The following SH3RF2 variants were observed in gnomAD, a reference collection of about 807,000 sequenced individuals.
The protein encoded by SH3RF2 is SH3 domain containing ring finger 2, also known as E3 ubiquitin-protein ligase SH3RF2.
In SH3RF2, 43 loss-of-function variants were observed where a neutral mutation model predicts 59.0. The ratio of observed to expected loss-of-function variants is 0.73; its 90% CI spans 0.57 to 0.94. The LOEUF (loss-of-function observed/expected upper bound fraction) is 0.94, where lower values mean the gene tolerates loss of function less well. SH3RF2 is among the 40% of genes least tolerant of loss of function. The pLI, the probability that SH3RF2 is intolerant of heterozygous loss-of-function variation, is 0.00. For synonymous variants in SH3RF2, 391 were observed against 391.5 expected, an observed-to-expected ratio of 1.00 and a Z score of 0.01; for missense variants, 930 against 940.1, an observed-to-expected ratio of 0.99 and a Z score of 0.14.
intron 2 of SH3RF2, chr5:145,997,771 G>C: frequency 3.2e-6 from 5 of 1,571,846 alleles, no homozygotes; most frequent in Non-Finnish European, 4.4e-6. Flanking sequence ...AGCAAAAAAA[G>C]AGTCACTCCC....
At chr5:146,033,540 G>A (rs776950617) in intron 5 of SH3RF2, among the ~76,000 whole-genome samples, 3 of 136,760 alleles carry the variant, frequency 2.2e-5, no homozygotes, top group Admixed American at 8.4e-5. Flanking sequence ...GCCCGATCTC[G>A]GCTCACTGCA....
At chr5:146,036,925 T>C (rs1761955871) in intron 5 of SH3RF2, among the ~76,000 whole-genome samples, 1 of 152,206 alleles carries the variant, frequency 6.6e-6, no homozygotes, top group Non-Finnish European at 1.5e-5. Flanking sequence ...CCTAAATACA[T>C]GTCCCCACAC....
intron 2 of SH3RF2, among the ~76,000 whole-genome samples, chr5:145,984,272 G>A (rs902134792): frequency 6.6e-6 from 1 of 152,176 alleles, no homozygotes; most frequent in Non-Finnish European, 1.5e-5. Context: ...TGTGCAGACA[G>A]ACAAGTAAAA....
chr5:145,952,100 T>G (rs1480084519), intron 2 of SH3RF2, among the ~76,000 whole-genome samples: 1 of 152,184 alleles, frequency 6.6e-6, no homozygotes, highest in Non-Finnish European at 1.5e-5. Context: ...GTTAATTATT[T>G]TTGCTATTAT....
At chr5:146,064,862 A>AAT (rs1554121985), downstream of SH3RF2, among the ~76,000 whole-genome samples, 1 of 29,780 alleles carries the variant, frequency 3.4e-5, no homozygotes, top group Admixed American at 4.0e-4. Flanking sequence ...GAAAGAAAGA[A>AAT]AGAGAAAGAA....
At chr5:145,997,486 A>C in intron 2 of SH3RF2, 1 of 1,581,654 alleles carries the variant, frequency 6.3e-7, no homozygotes, top group South Asian at 1.1e-5. Flanking sequence ...GATACAGTAC[A>C]ATTTGGGAAA....
intron 2 of SH3RF2, among the ~76,000 whole-genome samples, chr5:145,989,556 A>C (rs1028688816): frequency 2.0e-5 from 3 of 152,238 alleles, no homozygotes; most frequent in Non-Finnish European, 4.4e-5. Context: ...GAAATGATAC[A>C]TAACTTGAGT....
chr5:146,071,265 C>T (rs1249134441), intron 9 of SH3RF2, among the ~76,000 whole-genome samples: 1 of 152,206 alleles, frequency 6.6e-6, no homozygotes, highest in African/African-American at 2.4e-5. Context: ...GCCCCACCAC[C>T]ACCTTCTCTC....
At chr5:145,975,579 G>C (rs1759256901) in intron 2 of SH3RF2, among the ~76,000 whole-genome samples, 1 of 152,198 alleles carries the variant, frequency 6.6e-6, no homozygotes, top group African/African-American at 2.4e-5. Context: ...GCCCCAGCTG[G>C]TTCCCTCTGT....
intron 2 of SH3RF2, among the ~76,000 whole-genome samples, chr5:145,961,971 G>A (rs535570077): frequency 2.6e-5 from 4 of 152,208 alleles, no homozygotes; most frequent in Admixed American, 6.5e-5. Flanking sequence ...TCTACCTACC[G>A]CTTTCTTCAT....
chr5:146,056,482 G>A (rs750851958), intron 8 of SH3RF2, among the ~76,000 whole-genome samples: 12 of 152,190 alleles, frequency 7.9e-5, no homozygotes, highest in Admixed American at 1.3e-4. Flanking sequence ...CATGGCCAAC[G>A]TGGACACTGG....
At chr5:146,004,218 T>A in intron 4 of SH3RF2, 65 bp downstream of exon 4, 1 of 1,319,316 alleles carries the variant, frequency 7.6e-7, no homozygotes, top group South Asian at 1.3e-5. Flanking sequence ...GCTACAGTGA[T>A]GCCTGAGAGC....
chr5:146,063,358 A>G (rs1580946188), downstream of SH3RF2: 1 of 152,462 alleles, frequency 6.6e-6, no homozygotes, highest in East Asian at 1.9e-4. Flanking sequence ...TCAAAGGATT[A>G]TCATACTTTA....
In SH3RF2 at chr5:145,937,936, A is replaced by G; in HGVS notation, c.8A>G (p.Asp3Gly). Reference protein sequence around the residue: MDDLTLLDLLECP... With the variant: MDGLTLLDLLECP... Reference sequence around the variant, plus strand: ...CTGGAGTTTTGAAATAAAATGGATGATTTGACGTTACTTGATCTTCTGGAG... The same window carrying G: ...CTGGAGTTTTGAAATAAAATGGATGGTTTGACGTTACTTGATCTTCTGGAG... Residue 3 changes from aspartate to glycine, a missense_variant, in exon 2 of 10, where the codon GAT becomes GGT. Asp to Gly is a moderately conservative substitution (Grantham distance 94, BLOSUM62 -1). Transcript: ENST00000359120. The G allele has an allele frequency of 1.2e-6, 2 of 1,612,466 alleles. No individual in the cohort carries two copies. The highest frequency in any genetic ancestry group is 1.7e-6 in the Non-Finnish European group (2 of 1,179,064).
intron 5 of SH3RF2, among the ~76,000 whole-genome samples, chr5:146,027,961 C>T (rs560744919): frequency 3.3e-5 from 5 of 152,306 alleles, no homozygotes; most frequent in African/African-American, 1.2e-4. Flanking sequence ...TTCCTTGATT[C>T]AGCATTTCTC....
intron 2 of SH3RF2, among the ~76,000 whole-genome samples, chr5:145,938,652 G>A (rs1201305018): frequency 6.6e-6 from 1 of 151,996 alleles, no homozygotes; most frequent in Non-Finnish European, 1.5e-5. Flanking sequence ...GGAGGGTGGG[G>A]AGAAACAAAA....
chr5:146,068,654 T>G (rs1763161506), intron 9 of SH3RF2, among the ~76,000 whole-genome samples: 1 of 152,138 alleles, frequency 6.6e-6, no homozygotes, highest in East Asian at 1.9e-4. Context: ...AGAGCAATGT[T>G]AAATGATCGA....
At chr5:146,049,861 C>G (rs1050857552) in intron 7 of SH3RF2, among the ~76,000 whole-genome samples, 1 of 152,096 alleles carries the variant, frequency 6.6e-6, no homozygotes, top group African/African-American at 2.4e-5. Flanking sequence ...GTCTTACCAC[C>G]TCATACCACT....
In SH3RF2 at chr5:146,056,206, G is replaced by C; in HGVS notation, c.1548G>C (p.Met516Ile). The C allele has an allele frequency of 6.2e-7, 1 of 1,614,238 alleles. No homozygotes were observed. The highest frequency in any genetic ancestry group is 8.5e-7 in the Non-Finnish European group (1 of 1,180,050). The change falls in exon 8 of 10, where the codon ATG becomes ATC. Residue 516 changes from methionine to isoleucine, a missense_variant. Transcript: ENST00000359120. ...QGSLRKGRSS[M>I]RKNGSLQRPL... The stretch of plus-strand genomic sequence containing the variant: ...CTCTTCGGAAAGGGCGGAGCAGCAT[G>C]AGAAAGAGTAAGTGGTGGCAGAGAG...
Sources: gnomAD v4.1 joint callset for allele counts (sites outside exome capture counted in the v4.1 genomes callset) on GRCh38, gnomAD v4.1.1 for gene constraint, MANE v1.5 for transcripts, NCBI Gene and HGNC (gene_info 2026-07-23, HGNC 2026-07-21) for gene names.